WDR72: variants seen among roughly 807,000 people sequenced by gnomAD.
The protein encoded by WDR72 is WD repeat domain 72, also known as WD repeat-containing protein 72.
Under a neutral mutation model 124.2 loss-of-function variants are expected in WDR72, and 120 were observed. The ratio of observed to expected loss-of-function variants is 0.97; its 90% confidence interval spans 0.83 to 1.12. WDR72 has a LOEUF of 1.12. WDR72 is among the 50% of genes most tolerant of loss of function. WDR72 has a pLI of 0.00. For synonymous variants in WDR72, 452 were observed against 441.7 expected (o/e 1.02, Z -0.29); for missense variants, 1,387 against 1,278.8 (o/e 1.08, Z -1.29).
intron 1 of WDR72, among the ~76,000 whole-genome samples, chr15:53,756,140 C>A (rs2018897763): frequency 1.3e-5 from 2 of 152,170 alleles, no homozygotes. Flanking sequence ...CCATAATCCC[C>A]ACATGTGGTG....
intron 18 of WDR72, among the ~76,000 whole-genome samples, chr15:53,541,324 G>T (rs964722032): frequency 5.8e-4 from 89 of 152,172 alleles, no homozygotes; most frequent in African/African-American, 2.1e-3. Context: ...TCCTCAAGTG[G>T]GTCCCTGACC....
At chr15:53,681,454 C>T (rs550158758) in intron 13 of WDR72, among the ~76,000 whole-genome samples, 1 of 152,046 alleles carries the variant, frequency 6.6e-6, no homozygotes, top group Non-Finnish European at 1.5e-5. Flanking sequence ...GTGAAGCCCC[C>T]GTAAACATTA....
At chr15:53,545,207 G>C (rs576863839) in intron 18 of WDR72, among the ~76,000 whole-genome samples, 130 of 151,426 alleles carry the variant, frequency 8.6e-4, no homozygotes, top group African/African-American at 2.9e-3. Context: ...ATCGCCACGG[G>C]AATCCTAAGC....
intron 18 of WDR72, among the ~76,000 whole-genome samples, chr15:53,562,740 C>T (rs2140295738): frequency 6.6e-6 from 1 of 151,876 alleles, no homozygotes; most frequent in African/African-American, 2.4e-5. Context: ...CTACTGCAAA[C>T]CCTTCCCAAG....
intron 1 of WDR72, among the ~76,000 whole-genome samples, chr15:53,748,050 G>A (rs79368376): frequency 1.3e-5 from 2 of 150,884 alleles, no homozygotes; most frequent in African/African-American, 2.4e-5. Flanking sequence ...CCATTCTTAA[G>A]TAAATTCAAC....
chr15:53,747,095 G>A (rs976190703), intron 1 of WDR72, among the ~76,000 whole-genome samples: 1 of 152,180 alleles, frequency 6.6e-6, no homozygotes, highest in Admixed American at 6.5e-5. Flanking sequence ...AGCCTCTGCA[G>A]TCCATAGGGC....
intron 14 of WDR72, among the ~76,000 whole-genome samples, chr15:53,659,223 A>G (rs1298966913): frequency 6.6e-6 from 1 of 152,192 alleles, no homozygotes; most frequent in Non-Finnish European, 1.5e-5. Flanking sequence ...AGGCCTGTGG[A>G]CGCTGAAAAT....
intron 17 of WDR72, 22 bp from the exon 18 acceptor site, chr15:53,597,296 G>A (rs1294339660): frequency 1.2e-6 from 2 of 1,610,614 alleles, no homozygotes; most frequent in Non-Finnish European, 1.7e-6. Flanking sequence ...TTTTTTAAGT[G>A]AATTATTTTT....
chr15:53,518,468 T>C (rs555796594), intron 19 of WDR72, among the ~76,000 whole-genome samples: 18 of 152,192 alleles, frequency 1.2e-4, no homozygotes, highest in African/African-American at 3.6e-4. Flanking sequence ...TTAAAAAATA[T>C]GTTGATGCTT....
intron 1 of WDR72, among the ~76,000 whole-genome samples, chr15:53,758,038 G>A (rs558315130): frequency 2.7e-5 from 4 of 150,644 alleles, no homozygotes; most frequent in Non-Finnish European, 4.4e-5. Flanking sequence ...GTCTTTCTCC[G>A]TCACCTAGCC....
rs770874508 is a variant in WDR72, at chr15:53,699,946, C to T, written c.1570-1G>A. 3.7e-6 allele frequency: 6 copies of T among 1,614,182 alleles called. No individual in the cohort carries two copies. Among genetic ancestry groups the T allele is most frequent in the Non-Finnish European group, 5.1e-6 (6 of 1,180,034 alleles). ...AGCAAATTATCTGCTCACCCCTTAG[C>T]TGTGAAAAAACAACATGCTTATGTA... is the stretch of plus-strand genomic sequence containing the variant. On this transcript the variant is annotated splice_acceptor_variant, in intron 12 of 19. Coordinates refer to ENST00000360509, the MANE Select transcript of WDR72 (RefSeq NM_182758.4). LOFTEE classifies it high-confidence loss of function.
At chr15:53,584,193 AT>A (rs1249534377) in intron 18 of WDR72, among the ~76,000 whole-genome samples, 3 of 152,046 alleles carry the variant, frequency 2.0e-5, no homozygotes, top group African/African-American at 7.2e-5. Flanking sequence ...CGGACCAAAT[AT>A]TAACTTATAC....
intron 1 of WDR72, among the ~76,000 whole-genome samples, chr15:53,753,579 T>A (rs925718149): frequency 2.0e-5 from 3 of 152,194 alleles, no homozygotes; most frequent in Non-Finnish European, 2.9e-5. Context: ...TCTTTGTGGA[T>A]TTTCTGTCAT....
At chr15:53,572,597 A>C (rs1442919424) in intron 18 of WDR72, among the ~76,000 whole-genome samples, 3 of 152,210 alleles carry the variant, frequency 2.0e-5, no homozygotes, top group Non-Finnish European at 4.4e-5. Flanking sequence ...ACTTCATTCA[A>C]ATGAAAAAAA....
At chr15:53,608,958 CAAT>C (rs2013412438) in intron 17 of WDR72, among the ~76,000 whole-genome samples, 1 of 151,572 alleles carries the variant, frequency 6.6e-6, no homozygotes, top group Admixed American at 6.6e-5. Flanking sequence ...TGATTATAGT[CAAT>C]AATAATTTAA....
At chr15:53,736,336 G>A (rs915636674) in intron 1 of WDR72, among the ~76,000 whole-genome samples, 1 of 152,110 alleles carries the variant, frequency 6.6e-6, no homozygotes, top group African/African-American at 2.4e-5. Context: ...GTCCAAATGT[G>A]GGGGCAGCTG....
intron 18 of WDR72, among the ~76,000 whole-genome samples, chr15:53,554,495 A>T (rs1035058931): frequency 9.9e-5 from 15 of 152,146 alleles, no homozygotes; most frequent in African/African-American, 3.4e-4. Context: ...CATATAGAAG[A>T]CTTTTGGTGT....
At chr15:53,653,143 A>G (rs946779312) in intron 14 of WDR72, among the ~76,000 whole-genome samples, 1 of 152,166 alleles carries the variant, frequency 6.6e-6, no homozygotes, top group African/African-American at 2.4e-5. Flanking sequence ...TACAATTCAA[A>G]AAAGGAAGCA....
intron 14 of WDR72, among the ~76,000 whole-genome samples, chr15:53,633,132 T>C (rs1383191104): frequency 4.6e-5 from 7 of 152,192 alleles, no homozygotes; most frequent in Admixed American, 6.6e-5. Context: ...GATGTTGAAA[T>C]GTAATCCCCA....
Sources: gnomAD v4.1 joint callset for allele counts (sites outside exome capture counted in the v4.1 genomes callset) on GRCh38, gnomAD v4.1.1 for gene constraint, MANE v1.5 for transcripts, NCBI Gene and HGNC (gene_info 2026-07-23, HGNC 2026-07-21) for gene names.